Variants in PTRH1 observed in about 807,000 individuals in gnomAD.
PTRH1 encodes the protein peptidyl-tRNA hydrolase.
PTRH1 carries 13 observed loss-of-function variants against 15.7 expected under a neutral mutation model. The ratio of observed to expected loss-of-function variants is 0.83; its 90% CI spans 0.54 to 1.31. The LOEUF (loss-of-function observed/expected upper bound fraction) is 1.31. Ranked by LOEUF, PTRH1 falls within the 40% of genes most tolerant of loss-of-function variation. The probability of loss-of-function intolerance (pLI) is 0.00; values close to 1 mark genes in which losing one functional copy is unlikely to be tolerated. For synonymous variants in PTRH1, 139 were observed against 136.7 expected (o/e 1.02, Z -0.12); for missense variants, 319 against 296.2 (o/e 1.08, Z -0.56).
chr9:127,710,925 G>A (rs1842752254), downstream of PTRH1, among the ~76,000 whole-genome samples: 1 of 152,164 alleles, frequency 6.6e-6, no homozygotes, highest in African/African-American at 2.4e-5. Context: ...GGAGGGGTGG[G>A]AGAAAAGGAA....
chr9:127,698,365 C>T (rs928716358), intron 1 of PTRH1, among the ~76,000 whole-genome samples: 1 of 152,200 alleles, frequency 6.6e-6, no homozygotes, highest in Non-Finnish European at 1.5e-5. Context: ...AAACCACTAC[C>T]TCATACCTAT....
intron 1 of PTRH1, among the ~76,000 whole-genome samples, chr9:127,703,750 G>T (rs1242082698): frequency 3.3e-5 from 5 of 152,216 alleles, no homozygotes. Flanking sequence ...GCAGCCACTG[G>T]TATTCTCAGC....
chr9:127,707,962 C>T (rs969205579), intron 1 of PTRH1, among the ~76,000 whole-genome samples: 1 of 152,140 alleles, frequency 6.6e-6, no homozygotes, highest in Non-Finnish European at 1.5e-5. Flanking sequence ...ACTGAGTCCT[C>T]ACAGCAGTCT....
downstream of PTRH1, chr9:127,709,347 A>G (rs1842711021): frequency 6.7e-7 from 1 of 1,488,712 alleles, no homozygotes; most frequent in African/African-American, 1.4e-5. The surrounding 1 kb of genome is among the most constrained non-coding windows in gnomAD (Gnocchi z 4.7). Context: ...GGAGTCCAGG[A>G]GAGTGGGCCC....
downstream of PTRH1, chr9:127,711,288 C>T (rs776799895): frequency 1.2e-6 from 2 of 1,614,186 alleles, no homozygotes; most frequent in South Asian, 1.1e-5. Context: ...CACAAGGTGA[C>T]CACGAACCGG....
In PTRH1 at chr9:127,695,336, CACAG is replaced by C. The variant is rs1842550203; in HGVS notation, c.206-199_206-196del. The C allele has an allele frequency of 1.2e-5, 7 of 573,826 alleles. No homozygotes were observed. The East Asian group carries it at 1.7e-4, about 14-fold the overall frequency. 35.5% of individuals were successfully genotyped at this position (573,826 alleles called of 1,614,324 possible). The stretch of plus-strand genomic sequence containing the variant: ...GTGAAAAGAGCACATTATGGGAGGA[CACAG>C]ACAGGATAGTGCATTTATATAAAGC... On this transcript the variant is annotated intron_variant, in intron 1 of 2. Transcript: ENST00000335223.
chr9:127,711,924 G>A, downstream of PTRH1: 1 of 1,605,964 alleles, frequency 6.2e-7, no homozygotes, highest in South Asian at 1.1e-5. Flanking sequence ...GATCCCTGCA[G>A]CTGCAGGTGG....
chr9:127,711,304 G>A, downstream of PTRH1: 1 of 1,614,162 alleles, frequency 6.2e-7, no homozygotes, highest in Non-Finnish European at 8.5e-7. Flanking sequence ...ACCGGATGTG[G>A]GAGACAACCA....
At chr9:127,696,435 T>A (rs1397187542) in intron 1 of PTRH1, among the ~76,000 whole-genome samples, 3 of 152,224 alleles carry the variant, frequency 2.0e-5, no homozygotes, top group East Asian at 3.8e-4. Context: ...GTGCCATTAT[T>A]AGCCCTATTT....
In PTRH1 at chr9:127,714,602, C is replaced by G; in HGVS notation, c.416+1G>C. ...CAACCCTGACCATCTCAGGACCTCACCTGGCACTGCCCCCCAGCTTCAGAG... is the reference window on the plus strand; with the variant it reads ...CAACCCTGACCATCTCAGGACCTCAGCTGGCACTGCCCCCCAGCTTCAGAG... On this transcript the variant is annotated splice_donor_variant, in intron 3 of 4. Coordinates refer to ENST00000543175, the MANE Select transcript of PTRH1 (RefSeq NM_001002913.3). LOFTEE classifies it high-confidence loss of function. The G allele has an allele frequency of 6.2e-7, 1 of 1,613,594 alleles. No individual in the cohort carries two copies. The highest frequency in any genetic ancestry group is 1.1e-5 in the South Asian group (1 of 91,018).
chr9:127,711,191 CTCTG>C, downstream of PTRH1: 4 of 1,600,884 alleles, frequency 2.5e-6, no homozygotes, highest in Non-Finnish European at 3.4e-6. Flanking sequence ...CTTGTGCCCG[CTCTG>C]TCTGACCCCT....
intron 1 of PTRH1, among the ~76,000 whole-genome samples, chr9:127,699,563 G>C (rs1842588784): frequency 6.6e-6 from 1 of 152,138 alleles, no homozygotes; most frequent in Non-Finnish European, 1.5e-5. Context: ...GTGAAGCGTT[G>C]GTCATTCTAT....
At chr9:127,714,469 T>G (rs1588400550) in intron 3 of PTRH1, 45 bp from the exon 4 acceptor site, 1 of 1,611,698 alleles carries the variant, frequency 6.2e-7, no homozygotes, top group Non-Finnish European at 8.5e-7. Context: ...CCTGGGGCAG[T>G]GTCCTTCCAC....
At position 127,715,339 on chromosome 9, in the gene PTRH1, C is replaced by A. The variant is rs1299319016; in HGVS notation, c.97-145G>T. On this transcript the variant is annotated intron_variant, in intron 1 of 4. Transcript: ENST00000543175. This position sits in a 1 kb window ranked among gnomAD's most constrained non-coding sequence, Gnocchi z 5.8. ...GGCGCGAAGAAGGGGCCCAGAAACCCGACCCCTGAGAACTCCAGAAGGCTG... is the reference window on the plus strand; with the variant it reads ...GGCGCGAAGAAGGGGCCCAGAAACCAGACCCCTGAGAACTCCAGAAGGCTG... 8.0e-7 allele frequency: 1 copy of A among 1,249,050 alleles called. No homozygotes were observed. Among genetic ancestry groups the A allele is most frequent in the East Asian group, 2.5e-5 (1 of 39,622 alleles). 77.4% of individuals were successfully genotyped at this position (1,249,050 alleles called of 1,614,324 possible).
downstream of PTRH1, chr9:127,709,505 A>G: frequency 6.2e-7 from 1 of 1,614,098 alleles, no homozygotes; most frequent in Non-Finnish European, 8.5e-7. The surrounding 1 kb of genome is among the most constrained non-coding windows in gnomAD (Gnocchi z 4.7). Context: ...AACAAGAAGG[A>G]GATTGTGGCC....
At chr9:127,695,604 A>G (rs1304277636) in intron 1 of PTRH1, 1 of 154,598 alleles carries the variant, frequency 6.5e-6, no homozygotes, top group African/African-American at 2.4e-5. Flanking sequence ...CAGCTGACCA[A>G]TCATTACCTC....
At chr9:127,700,983 T>G (rs551961668) in intron 1 of PTRH1, among the ~76,000 whole-genome samples, 1 of 152,374 alleles carries the variant, frequency 6.6e-6, no homozygotes, top group South Asian at 2.1e-4. Flanking sequence ...TTGTAATATA[T>G]TTAAATGCCA....
downstream of PTRH1, chr9:127,712,824 A>G (rs1317442914): frequency 6.2e-7 from 1 of 1,613,952 alleles, no homozygotes; most frequent in Non-Finnish European, 8.5e-7. Context: ...AGACCTCAGA[A>G]GGCTGCGTGT....
intron 1 of PTRH1, chr9:127,707,069 A>G: frequency 6.2e-7 from 1 of 1,613,892 alleles, no homozygotes; most frequent in Non-Finnish European, 8.5e-7. Context: ...GCAGGCAAGG[A>G]GCTTGAAGTC....
Sources: gnomAD v4.1 joint callset for allele counts (sites outside exome capture counted in the v4.1 genomes callset) on GRCh38, gnomAD v4.1.1 for gene constraint, Gnocchi (gnomAD v3.1) non-coding constraint, MANE v1.5 for transcripts, NCBI Gene and HGNC (gene_info 2026-07-23, HGNC 2026-07-21) for gene names.